The following PLEKHM2 variants were observed in gnomAD, a reference collection of about 807,000 sequenced individuals.
PLEKHM2 encodes the protein pleckstrin homology domain-containing family M member 2.
PLEKHM2 carries 77 observed loss-of-function variants against 116.3 expected under a neutral mutation model. That is an observed-to-expected ratio of 0.66 (90% confidence interval 0.55 to 0.80). The LOEUF (loss-of-function observed/expected upper bound fraction) is 0.80. PLEKHM2 is among the 30% of genes least tolerant of loss of function. The pLI is 0.00. For missense variants in PLEKHM2, 1,183 were observed against 1,354.9 expected (o/e 0.87, Z 1.99); for synonymous variants, 562 against 571.0 (o/e 0.98, Z 0.22).
chr1:15,713,622 G>GT (rs1425908003), intron 1 of PLEKHM2, among the ~76,000 whole-genome samples: 12 of 146,204 alleles, frequency 8.2e-5, no homozygotes, highest in African/African-American at 3.0e-4. Flanking sequence ...TCTGTTTTTT[G>GT]TTTGTTTGTT....
chr1:15,684,667 C>A, intron 1 of PLEKHM2, 49 bp downstream of exon 1: 1 of 1,102,274 alleles, frequency 9.1e-7, no homozygotes, highest in Non-Finnish European at 1.2e-6. Context: ...GCCGCGCCCC[C>A]CACGCCCTCC....
At chr1:15,708,467 G>A (rs1369077737) in intron 1 of PLEKHM2, among the ~76,000 whole-genome samples, 2 of 152,114 alleles carry the variant, frequency 1.3e-5, no homozygotes, top group East Asian at 1.9e-4. Context: ...CACCTGCCTC[G>A]GCCTCCCAAA....
In PLEKHM2 at chr1:15,728,744, G is replaced by A. The variant is rs755292516; in HGVS notation, c.1986+11G>A. On this transcript the variant is annotated intron_variant, in intron 12 of 19. Coordinates refer to ENST00000375799, the MANE Select transcript of PLEKHM2 (RefSeq NM_015164.4). This position sits in a 1 kb window ranked among gnomAD's most constrained non-coding sequence, Gnocchi z 5.9. The stretch of plus-strand genomic sequence containing the variant: ...CTTGACTATGTGTCGGTGAGTCCAG[G>A]CCCCGCAGTTGTGCGCCTGCTGTAG... 1.2e-6 allele frequency: 2 copies of A among 1,603,768 alleles called. No individual in the cohort carries two copies. Among genetic ancestry groups the A allele is most frequent in the African/African-American group, 1.3e-5 (1 of 74,840 alleles).
chr1:15,730,811 T>TC, intron 15 of PLEKHM2, 89 bp downstream of exon 15: 1 of 1,079,752 alleles, frequency 9.3e-7, no homozygotes, highest in Non-Finnish European at 1.3e-6. Context: ...CCGCAGCAGG[T>TC]CACTGAGGGA....
chr1:15,691,615 C>T (rs956436374), intron 1 of PLEKHM2, among the ~76,000 whole-genome samples: 3 of 152,158 alleles, frequency 2.0e-5, no homozygotes, highest in Admixed American at 1.3e-4. Flanking sequence ...TATTTCTGGC[C>T]AGGCACACTG....
chr1:15,713,225 A>G (rs1641371166), intron 1 of PLEKHM2, among the ~76,000 whole-genome samples: 1 of 152,082 alleles, frequency 6.6e-6, no homozygotes, highest in South Asian at 2.1e-4. Flanking sequence ...AAGTGTTGAG[A>G]TTACAGGCAT....
In PLEKHM2 at chr1:15,725,519, T is replaced by C. The variant is rs1325716954; in HGVS notation, c.915T>C (p.Asp305=). The part of the protein sequence containing the change: ...KEEAQALDPP[D]ACTELEVIRV... The stretch of plus-strand genomic sequence containing the variant: ...AGGCCCAGGCCCTGGACCCGCCGGA[T>C]GCCTGCACGGAGCTCGAGGTCATCA... The change falls in exon 8 of 20, where the codon GAT becomes GAC. Residue 305 remains aspartate, a synonymous_variant. Coordinates refer to ENST00000375799, the MANE Select transcript of PLEKHM2 (RefSeq NM_015164.4). 6 of 1,572,202 alleles carry C rather than the reference T, an allele frequency of 3.8e-6. No individual in the cohort carries two copies. The African/African-American group carries it at 6.8e-5, about 18-fold the overall frequency.
At chr1:15,731,010 C>T (rs963477843) in intron 15 of PLEKHM2, among the ~76,000 whole-genome samples, 182 bp from the exon 16 acceptor site, 1 of 152,174 alleles carries the variant, frequency 6.6e-6, no homozygotes, top group Non-Finnish European at 1.5e-5. Flanking sequence ...GAGGTGGCCA[C>T]ATTCCCTGCT....
At chr1:15,690,262 C>T (rs1224145865) in intron 1 of PLEKHM2, among the ~76,000 whole-genome samples, 6 of 152,020 alleles carry the variant, frequency 3.9e-5, no homozygotes, top group Admixed American at 1.3e-4. Flanking sequence ...GACAGGGTTT[C>T]ACCATGTTGG....
At chr1:15,694,235 C>T (rs1196172094) in intron 1 of PLEKHM2, among the ~76,000 whole-genome samples, 1 of 151,958 alleles carries the variant, frequency 6.6e-6, no homozygotes, top group Non-Finnish European at 1.5e-5. Flanking sequence ...GCATGTAATC[C>T]CATCTCAGGA....
chr1:15,691,266 C>T (rs1170145366), intron 1 of PLEKHM2, among the ~76,000 whole-genome samples: 6 of 152,118 alleles, frequency 3.9e-5, no homozygotes, highest in Admixed American at 3.9e-4. Flanking sequence ...GAGACAAGGT[C>T]TCACTATGTT....
intron 1 of PLEKHM2, among the ~76,000 whole-genome samples, chr1:15,711,351 C>T (rs1641326615): frequency 6.6e-6 from 1 of 152,068 alleles, no homozygotes; most frequent in Non-Finnish European, 1.5e-5. Context: ...CGTGGTGGCT[C>T]ATGCCTGTAA....
chr1:15,726,956 T>C, intron 8 of PLEKHM2, 58 bp from the exon 9 acceptor site: 1 of 1,173,534 alleles, frequency 8.5e-7, no homozygotes, highest in South Asian at 2.2e-5. Context: ...CCCAGCCTGG[T>C]TTTCCTCAGC....
upstream of PLEKHM2, among the ~76,000 whole-genome samples, chr1:15,683,782 G>A (rs1640697148): frequency 6.7e-6 from 1 of 149,600 alleles, no homozygotes; most frequent in Non-Finnish European, 1.5e-5. Context: ...GGGAGTCTAT[G>A]GCCTGAGGGC....
chr1:15,699,982 C>A (rs1207755010), intron 1 of PLEKHM2, among the ~76,000 whole-genome samples: 16 of 144,444 alleles, frequency 1.1e-4, no homozygotes, highest in Non-Finnish European at 1.5e-5. Context: ...CATAGTGAGC[C>A]CCCATCTCAA....
In PLEKHM2 at chr1:15,719,279, G is replaced by T. The variant is rs144465444; in HGVS notation, c.466-455G>T. Among the ~76,000 whole-genome samples, 3 of 152,068 alleles carry T rather than the reference G, an allele frequency of 2.0e-5. No homozygotes were observed. The highest frequency in any genetic ancestry group is 7.2e-5 in the African/African-American group (3 of 41,398). On this transcript the variant is annotated intron_variant, in intron 5 of 19. Coordinates refer to ENST00000375799, the MANE Select transcript of PLEKHM2 (RefSeq NM_015164.4). This position sits in a 1 kb window ranked among gnomAD's most constrained non-coding sequence, Gnocchi z 4.1. Reference sequence around the variant, plus strand: ...AGCCTGGCCAACATGGCGAAACCTCGTCTCTACTAAAAAAATACAAAAGTT... The same window carrying T: ...AGCCTGGCCAACATGGCGAAACCTCTTCTCTACTAAAAAAATACAAAAGTT...
Position 15,727,468 on chromosome 1 carries a change from C to T in PLEKHM2, c.1396C>T (p.Arg466Cys), listed in dbSNP as rs775326636. Residue 466 changes from arginine (R) to cysteine (C), a missense_variant, in exon 9 of 20, where the codon CGC becomes TGC. Transcript: ENST00000375799. The surrounding 1 kb of genome is among the most constrained non-coding windows in gnomAD (Gnocchi z 7.5). ...EGLSAPMDFYRFTVESPSTVT... is the reference protein window; with the variant it reads ...EGLSAPMDFYCFTVESPSTVT... ...GCTTTCAGCCCCAATGGACTTCTAC[C>T]GCTTTACCGTCGAGAGTCCAAGCAC... The T allele has an allele frequency of 9.4e-6, 15 of 1,602,768 alleles. No homozygotes were observed. The highest frequency in any genetic ancestry group is 8.0e-5 in the African/African-American group (6 of 74,664).
chr1:15,689,448 G>A (rs1209270311), intron 1 of PLEKHM2, among the ~76,000 whole-genome samples: 2 of 152,158 alleles, frequency 1.3e-5, no homozygotes, highest in Non-Finnish European at 2.9e-5. Context: ...GCTGGAAGGT[G>A]CTTTCTGTGG....
chr1:15,694,357 AAC>A (rs1161590479), intron 1 of PLEKHM2, among the ~76,000 whole-genome samples: 1 of 151,980 alleles, frequency 6.6e-6, no homozygotes, highest in Non-Finnish European at 1.5e-5. Flanking sequence ...TCAAAAAAAA[AAC>A]ACAAAAAACA....
Sources: allele counts gnomAD v4.1 joint callset (sites outside exome capture counted in the v4.1 genomes callset), GRCh38; gene constraint gnomAD v4.1.1; non-coding constraint Gnocchi (gnomAD v3.1); transcripts MANE v1.5; gene names NCBI Gene and HGNC (gene_info 2026-07-23, HGNC 2026-07-21).